CCDC30: variants seen among roughly 807,000 people sequenced by gnomAD.
The protein encoded by CCDC30 is coiled-coil domain-containing protein 30.
A neutral mutation model predicts 100.2 loss-of-function variants in CCDC30; 70 were observed. The ratio of observed to expected loss-of-function variants is 0.70; its 90% CI spans 0.58 to 0.85. The LOEUF (loss-of-function observed/expected upper bound fraction) is 0.85. Among genes scored for constraint, CCDC30 ranks in the 40% least tolerant of loss-of-function variants. The pLI, the probability that CCDC30 is intolerant of heterozygous loss-of-function variation, is 0.00. For synonymous variants in CCDC30, 233 were observed against 269.5 expected (o/e 0.86, Z 1.33); for missense variants, 652 against 771.2 (o/e 0.85, Z 1.83).
intron 6 of CCDC30, 126 bp downstream of exon 10, chr1:42,556,531 T>C (rs985238743): frequency 5.8e-6 from 6 of 1,038,822 alleles, no homozygotes; most frequent in Non-Finnish European, 8.1e-6. Flanking sequence ...ACATAGTAGA[T>C]GTGTGTATTT....
chr1:42,622,298 A>G (rs925854852), intron 11 of CCDC30, among the ~76,000 whole-genome samples: 6 of 152,222 alleles, frequency 3.9e-5, no homozygotes, highest in Non-Finnish European at 7.3e-5. Flanking sequence ...ATAGTATTCC[A>G]TTATGTATAA....
intron 11 of CCDC30, among the ~76,000 whole-genome samples, chr1:42,619,106 T>A (rs1273045986): frequency 6.6e-6 from 1 of 152,022 alleles, no homozygotes; most frequent in African/African-American, 2.4e-5. Context: ...TTGGATTGGG[T>A]ACAACCCCAG....
chr1:42,570,270 G>A (rs560252041), intron 7 of CCDC30, among the ~76,000 whole-genome samples: 5 of 151,720 alleles, frequency 3.3e-5, no homozygotes, highest in Non-Finnish European at 7.4e-5. Flanking sequence ...AAGCTGCAGT[G>A]AGCTATGATC....
intron 10 of CCDC30, among the ~76,000 whole-genome samples, chr1:42,606,529 C>T (rs959056977): frequency 6.6e-6 from 1 of 152,164 alleles, no homozygotes; most frequent in Non-Finnish European, 1.5e-5. Flanking sequence ...CCACCCGCCT[C>T]GGCCTGCAGC....
chr1:42,503,900 C>A (rs562522575), intron 6 of CCDC30, among the ~76,000 whole-genome samples: 1 of 152,068 alleles, frequency 6.6e-6, no homozygotes, highest in African/African-American at 2.4e-5. Context: ...CACCCAGTGG[C>A]GCTAGAGGAA....
chr1:42,607,980 C>A (rs1646536985), intron 10 of CCDC30, among the ~76,000 whole-genome samples: 1 of 152,212 alleles, frequency 6.6e-6, no homozygotes, highest in South Asian at 2.1e-4. Flanking sequence ...TTGAAGTGGT[C>A]TACTTGCCCC....
chr1:42,596,342 G>C lies in CCDC30; in HGVS notation c.1164+6859G>C, dbSNP rs1646286918. ...GAATATCTGAGAAAAATCCCCTTTT[G>C]CTTCCAGAACGGGGAGAAAAGGGGA... On this transcript the variant is annotated intron_variant, in intron 10 of 16. Transcript: ENST00000668663. This position sits in a 1 kb window ranked among gnomAD's most constrained non-coding sequence, Gnocchi z 4.3. Among the ~76,000 whole-genome samples, 1 of 152,156 alleles carries C rather than the reference G, an allele frequency of 6.6e-6. No homozygotes were observed. Among genetic ancestry groups the C allele is most frequent in the Non-Finnish European group, 1.5e-5 (1 of 68,032 alleles).
At chr1:42,456,771 C>A in the CCDC30 span, 1 of 1,612,584 alleles carries the variant, frequency 6.2e-7, no homozygotes, top group Non-Finnish European at 8.5e-7. Context: ...GGTGCAACCT[C>A]GGCCGAGGCC....
At position 42,615,960 on chromosome 1, in the gene CCDC30, G is replaced by C. The variant is rs559533135; in HGVS notation, c.1277+4870G>C. ...AGATGGAGTCTCGCTCTGTCACCTA[G>C]GCTGGAGTGCAGTGGCACAATCTCT... On this transcript the variant is annotated intron_variant, in intron 11 of 16. Coordinates refer to ENST00000668663, the Ensembl canonical transcript of CCDC30. 4.0e-5 allele frequency among the ~76,000 whole-genome samples: 6 copies of C among 151,566 alleles called. No homozygotes were observed. The South Asian group carries it at 1.0e-3, about 26-fold the overall frequency.
chr1:42,604,417 T>C (rs1367113395), intron 10 of CCDC30, among the ~76,000 whole-genome samples: 1 of 152,180 alleles, frequency 6.6e-6, no homozygotes, highest in African/African-American at 2.4e-5. Flanking sequence ...TGAAAGCCAG[T>C]ATGGAGAGTC....
At chr1:42,457,366 C>T in the CCDC30 span, 11 of 1,601,222 alleles carry the variant, frequency 6.9e-6, no homozygotes, top group Non-Finnish European at 7.7e-6. Flanking sequence ...GGGCGCTTCT[C>T]TTCCAGAGAT....
intron 6 of CCDC30, among the ~76,000 whole-genome samples, chr1:42,523,944 G>C (rs1265475038): frequency 6.6e-6 from 1 of 151,754 alleles, no homozygotes; most frequent in Admixed American, 6.6e-5. Flanking sequence ...TTCTTTTTAG[G>C]TTTTCTATCT....
At chr1:42,636,623 A>C (rs906264645) in intron 11 of CCDC30, among the ~76,000 whole-genome samples, 2 of 152,126 alleles carry the variant, frequency 1.3e-5, no homozygotes, top group African/African-American at 4.8e-5. Context: ...AAAATCAAGG[A>C]GTTTCCTAAA....
intron 1 of CCDC30, among the ~76,000 whole-genome samples, chr1:42,464,476 A>G (rs532150100): frequency 2.0e-5 from 3 of 152,378 alleles, no homozygotes; most frequent in African/African-American, 7.2e-5. Flanking sequence ...TGATTGAAAT[A>G]GTACTTGTGC....
At chr1:42,643,352 A>G (rs1647614942) in intron 13 of CCDC30, among the ~76,000 whole-genome samples, 1 of 152,212 alleles carries the variant, frequency 6.6e-6, no homozygotes, top group South Asian at 2.1e-4. Context: ...GCCCTAGACC[A>G]TAGCACCATA....
rs777884485 is a variant in CCDC30, at chr1:42,539,235, G to A, written c.457-27061G>A. ...ATAATGAAGTTCACAATCTTCCAGGGGAATCAGAAAGCAAAGACCATTTTT... is the reference window on the plus strand; with the variant it reads ...ATAATGAAGTTCACAATCTTCCAGGAGAATCAGAAAGCAAAGACCATTTTT... On this transcript the variant is annotated intron_variant, in intron 6 of 16. Transcript: ENST00000668663. 3 of 1,609,406 alleles carry A rather than the reference G, an allele frequency of 1.9e-6. No homozygotes were observed. The Admixed American group carries it at 5.0e-5, about 27-fold the overall frequency.
intron 11 of CCDC30, among the ~76,000 whole-genome samples, chr1:42,620,400 A>G (rs540840194): frequency 6.6e-6 from 1 of 152,146 alleles, no homozygotes. Flanking sequence ...ATGTAAAAAA[A>G]CAAGCTTTTA....
intron 7 of CCDC30, among the ~76,000 whole-genome samples, chr1:42,570,781 T>C (rs982053433): frequency 1.3e-5 from 2 of 152,240 alleles, no homozygotes; most frequent in South Asian, 4.1e-4. Flanking sequence ...CCTGTTATAG[T>C]GTATAGCCAT....
At chr1:42,602,883 A>G (rs1382130163) in intron 10 of CCDC30, among the ~76,000 whole-genome samples, 1 of 152,212 alleles carries the variant, frequency 6.6e-6, no homozygotes, top group East Asian at 1.9e-4. Context: ...CCTCAGCAAA[A>G]TATTAGCAAA....
Sources: allele counts gnomAD v4.1 joint callset (sites outside exome capture counted in the v4.1 genomes callset), GRCh38; gene constraint gnomAD v4.1.1; non-coding constraint Gnocchi (gnomAD v3.1); transcripts MANE v1.5; gene names NCBI Gene and HGNC (gene_info 2026-07-23, HGNC 2026-07-21).